The following CIMAP3 variants were observed in gnomAD, a reference collection of about 807,000 sequenced individuals.
CIMAP3 encodes the protein ciliary microtubule associated protein 3.
chr1:111,342,773 T>C, the CIMAP3 span, among the ~76,000 whole-genome samples: 3 of 152,220 alleles, frequency 2.0e-5, no homozygotes, highest in African/African-American at 7.2e-5. Flanking sequence ...TATCACTTTT[T>C]CCAATGTAGA....
At chr1:111,339,991 C>T in the CIMAP3 span, among the ~76,000 whole-genome samples, 1 of 151,630 alleles carries the variant, frequency 6.6e-6, no homozygotes, top group Non-Finnish European at 1.5e-5. Context: ...CAGCATGGTA[C>T]TGGTACCAAA....
the CIMAP3 span, chr1:111,350,080 C>A: frequency 6.4e-7 from 1 of 1,564,970 alleles, no homozygotes; most frequent in Non-Finnish European, 8.8e-7. Flanking sequence ...ACTCATTAGA[C>A]ATGATGCTTG....
the CIMAP3 span, among the ~76,000 whole-genome samples, chr1:111,341,909 A>G: frequency 6.6e-6 from 1 of 152,160 alleles, no homozygotes; most frequent in Non-Finnish European, 1.5e-5. Flanking sequence ...AAAAAAGAAA[A>G]TTTCCTACAA....
the CIMAP3 span, among the ~76,000 whole-genome samples, chr1:111,334,366 G>A: frequency 1.3e-5 from 2 of 152,184 alleles, no homozygotes; most frequent in African/African-American, 4.8e-5. Flanking sequence ...GCACCACCTG[G>A]AGCTCAAAAG....
the CIMAP3 span, chr1:111,351,728 C>G: frequency 6.3e-6 from 1 of 158,686 alleles, no homozygotes; most frequent in Non-Finnish European, 1.4e-5. Context: ...TTGCTAGATA[C>G]AGAAAACACT....
the CIMAP3 span, chr1:111,346,416 G>A: frequency 1.9e-6 from 1 of 524,186 alleles, no homozygotes; most frequent in Non-Finnish European, 3.4e-6. Context: ...AGCCCCTACA[G>A]CCGCGAATCC....
chr1:111,337,996 C>G, the CIMAP3 span, among the ~76,000 whole-genome samples: 3 of 149,712 alleles, frequency 2.0e-5, no homozygotes, highest in Non-Finnish European at 4.4e-5. Flanking sequence ...AACAAACTAT[C>G]TCTCAGACCA....
the CIMAP3 span, among the ~76,000 whole-genome samples, chr1:111,328,013 T>C: frequency 1.3e-5 from 2 of 152,178 alleles, no homozygotes; most frequent in East Asian, 1.9e-4. Context: ...TTAACGCTAC[T>C]TTAGCTGGGT....
the CIMAP3 span, among the ~76,000 whole-genome samples, chr1:111,344,063 C>T: frequency 3.3e-5 from 5 of 152,144 alleles, no homozygotes; most frequent in Admixed American, 2.0e-4. Context: ...GGGTCTGTTT[C>T]TACTCTTTTA....
the CIMAP3 span, chr1:111,348,407 C>A: frequency 4.2e-6 from 5 of 1,181,474 alleles, no homozygotes; most frequent in African/African-American, 1.6e-5. Flanking sequence ...TGAACCATAG[C>A]TGATTTATGA....
At chr1:111,326,669 T>C in the CIMAP3 span, among the ~76,000 whole-genome samples, 1 of 152,204 alleles carries the variant, frequency 6.6e-6, no homozygotes, top group East Asian at 1.9e-4. Flanking sequence ...ATTTCCATAC[T>C]GTTTTCCATA....
At chr1:111,333,456 T>C in the CIMAP3 span, among the ~76,000 whole-genome samples, 1,202 of 152,268 alleles carry the variant, frequency 7.9e-3, 14 homozygotes, top group African/African-American at 0.027. Context: ...GAGGTGTATA[T>C]CCTTGTGCTC....
At chr1:111,325,277 A>G in the CIMAP3 span, among the ~76,000 whole-genome samples, 1 of 152,224 alleles carries the variant, frequency 6.6e-6, no homozygotes, top group Non-Finnish European at 1.5e-5. Context: ...GATTCATGCC[A>G]TTTTATAGAT....
the CIMAP3 span, among the ~76,000 whole-genome samples, chr1:111,331,623 C>T: frequency 2.0e-5 from 3 of 151,860 alleles, no homozygotes; most frequent in Non-Finnish European, 2.9e-5. Flanking sequence ...AATTTTCTAT[C>T]TGCATTCTTT....
chr1:111,329,623 C>T, the CIMAP3 span, among the ~76,000 whole-genome samples: 2 of 148,498 alleles, frequency 1.3e-5, no homozygotes, highest in Non-Finnish European at 3.0e-5. Flanking sequence ...GGCACAATCT[C>T]GGTTCACTGC....
chr1:111,329,307 T>C, the CIMAP3 span, among the ~76,000 whole-genome samples: 6 of 151,842 alleles, frequency 4.0e-5, no homozygotes, highest in East Asian at 1.2e-3. Context: ...CCTTGGAAAA[T>C]CTGATGATTG....
At chr1:111,342,666 T>TC in the CIMAP3 span, among the ~76,000 whole-genome samples, 1 of 152,048 alleles carries the variant, frequency 6.6e-6, no homozygotes, top group East Asian at 1.9e-4. Context: ...GGTATATTTC[T>TC]CCCCCCAGGC....
chr1:111,345,857 G>A, the CIMAP3 span, among the ~76,000 whole-genome samples: 1 of 152,110 alleles, frequency 6.6e-6, no homozygotes, highest in Non-Finnish European at 1.5e-5. Context: ...ATTATCTTCA[G>A]TGATAATAAC....
At chr1:111,346,856 C>T in the CIMAP3 span, 1 of 1,599,572 alleles carries the variant, frequency 6.3e-7, no homozygotes, top group East Asian at 2.2e-5. Context: ...CCGGAACGCG[C>T]TCACGTAGAC....
Sources: gnomAD v4.1 joint callset for allele counts (sites outside exome capture counted in the v4.1 genomes callset) on GRCh38, gnomAD v4.1.1 for gene constraint, MANE v1.5 for transcripts, NCBI Gene and HGNC (gene_info 2026-07-23, HGNC 2026-07-21) for gene names.